LSAMP: variants seen among roughly 807,000 people sequenced by gnomAD.
LSAMP encodes limbic system-associated membrane protein.
LSAMP carries 7 observed loss-of-function variants against 38.6 expected under a neutral mutation model. That is an observed-to-expected ratio of 0.18 (90% CI 0.10 to 0.34). The LOEUF (loss-of-function observed/expected upper bound fraction) is 0.34, where lower values mean the gene tolerates loss of function less well. LSAMP is among the 10% of genes least tolerant of loss of function. The pLI, the probability that LSAMP is intolerant of heterozygous loss-of-function variation, is 1.00. For missense variants in LSAMP, 313 were observed against 420.0 expected (o/e 0.75, Z 2.23); for synonymous variants, 154 against 166.8 (o/e 0.92, Z 0.59).
intron 1 of LSAMP, among the ~76,000 whole-genome samples, chr3:116,192,636 T>C (rs1430986789): frequency 6.6e-6 from 1 of 152,152 alleles, no homozygotes; most frequent in Non-Finnish European, 1.5e-5. Context: ...CCTGGAAAGA[T>C]GGAAAATTAA....
intron 1 of LSAMP, among the ~76,000 whole-genome samples, chr3:116,129,246 T>C (rs1157693249): frequency 6.6e-6 from 1 of 152,138 alleles, no homozygotes; most frequent in Non-Finnish European, 1.5e-5. Flanking sequence ...TACTGAACTT[T>C]CTATTGCGTA....
chr3:116,190,114 C>G (rs944595530), intron 1 of LSAMP, among the ~76,000 whole-genome samples: 2 of 151,274 alleles, frequency 1.3e-5, no homozygotes, highest in East Asian at 1.9e-4. Flanking sequence ...CACACACACA[C>G]ACACACACAC....
intron 1 of LSAMP, among the ~76,000 whole-genome samples, chr3:116,150,336 T>A (rs1165483073): frequency 6.6e-6 from 1 of 152,044 alleles, no homozygotes. Flanking sequence ...TATTCTCCCC[T>A]CTCATGGATC....
intron 6 of LSAMP, among the ~76,000 whole-genome samples, chr3:115,823,309 C>T (rs543995565): frequency 6.6e-6 from 1 of 152,142 alleles, no homozygotes; most frequent in Non-Finnish European, 1.5e-5. Flanking sequence ...TGGAGAGCAC[C>T]CTGGCCCAGG....
At chr3:116,152,912 G>A (rs1709644901) in intron 1 of LSAMP, among the ~76,000 whole-genome samples, 1 of 151,990 alleles carries the variant, frequency 6.6e-6, no homozygotes, top group South Asian at 2.1e-4. Context: ...ACTGTGAAGA[G>A]CATAAACAAT....
chr3:116,436,260 T>C (rs1022190917), intron 1 of LSAMP, among the ~76,000 whole-genome samples: 2 of 152,160 alleles, frequency 1.3e-5, no homozygotes, highest in Non-Finnish European at 2.9e-5. Context: ...AAGGTGACAT[T>C]GGAAAAACCT....
chr3:116,191,535 C>T (rs1323494167), intron 1 of LSAMP, among the ~76,000 whole-genome samples: 1 of 152,046 alleles, frequency 6.6e-6, no homozygotes, highest in Admixed American at 6.6e-5. Context: ...GGGCATGAGA[C>T]AGTTTAGGGC....
At chr3:115,909,199 A>G (rs1203740940) in intron 3 of LSAMP, among the ~76,000 whole-genome samples, 1 of 152,140 alleles carries the variant, frequency 6.6e-6, no homozygotes, top group African/African-American at 2.4e-5. Context: ...GGCATCCCAA[A>G]GACACAGATT....
Position 116,343,282 on chromosome 3 carries a change from A to C in LSAMP, c.155+101595T>G, listed in dbSNP as rs190763208. ...AAACACAGTGAAACATGGGTCACTA[A>C]AGAGCCCCTAAGTTACAGAAAGGAC... On this transcript the variant is annotated intron_variant, in intron 1 of 6. Coordinates refer to ENST00000490035, the MANE Select transcript of LSAMP (RefSeq NM_002338.5). Among the ~76,000 whole-genome samples, 34 of 152,176 alleles carry C rather than the reference A, an allele frequency of 2.2e-4. 1 individual carries two copies. The highest frequency in any genetic ancestry group is 2.0e-3 in the Admixed American group (30 of 15,258).
At chr3:116,036,889 T>C (rs1559929216) in intron 2 of LSAMP, among the ~76,000 whole-genome samples, 2 of 152,158 alleles carry the variant, frequency 1.3e-5, no homozygotes, top group Admixed American at 1.3e-4. Context: ...CATTTGCATA[T>C]GCTAGCTAGT....
intron 1 of LSAMP, among the ~76,000 whole-genome samples, chr3:116,106,429 AG>A (rs1228505910): frequency 3.9e-5 from 6 of 152,196 alleles, no homozygotes; most frequent in African/African-American, 1.4e-4. Flanking sequence ...CCTAATAAAA[AG>A]GAGTGTCTAT....
At chr3:115,826,888 T>C (rs1212808658) in intron 6 of LSAMP, among the ~76,000 whole-genome samples, 1 of 150,816 alleles carries the variant, frequency 6.6e-6, no homozygotes, top group Admixed American at 6.6e-5. Context: ...TCATACTATT[T>C]ACGAGTTAGA....
intron 3 of LSAMP, among the ~76,000 whole-genome samples, chr3:115,876,296 A>G (rs1243615215): frequency 8.4e-6 from 1 of 119,750 alleles, no homozygotes; most frequent in South Asian, 2.6e-4. Context: ...TTTTTTTTTT[A>G]AGGCTACAAA....
intron 1 of LSAMP, among the ~76,000 whole-genome samples, chr3:116,308,956 C>T (rs1576497984): frequency 6.6e-6 from 1 of 151,994 alleles, no homozygotes; most frequent in East Asian, 1.9e-4. Flanking sequence ...TTTACAGTAG[C>T]CTATAATTCT....
At chr3:116,310,877 GTGA>G (rs374497191) in intron 1 of LSAMP, among the ~76,000 whole-genome samples, 2 of 150,228 alleles carry the variant, frequency 1.3e-5, no homozygotes, top group African/African-American at 2.4e-5. Flanking sequence ...ACTTAAAATG[GTGA>G]TGATGATGGT....
intron 6 of LSAMP, chr3:115,814,127 G>A (rs1157951694): frequency 1.3e-5 from 2 of 152,196 alleles, no homozygotes; most frequent in Non-Finnish European, 2.9e-5. Context: ...AAATGCAGAA[G>A]TTTGGATTAC....
At chr3:116,234,425 T>TTTCA (rs1246997242) in intron 1 of LSAMP, among the ~76,000 whole-genome samples, 1 of 152,236 alleles carries the variant, frequency 6.6e-6, no homozygotes, top group East Asian at 1.9e-4. Context: ...AGCTTAGAGA[T>TTTCA]TTCATTCATT....
chr3:116,105,733 C>T (rs1708450808), intron 1 of LSAMP, among the ~76,000 whole-genome samples: 1 of 152,140 alleles, frequency 6.6e-6, no homozygotes, highest in Non-Finnish European at 1.5e-5. Context: ...GCCATCTGGG[C>T]ATATACGTGC....
At chr3:116,222,542 A>G (rs1319106481) in intron 1 of LSAMP, among the ~76,000 whole-genome samples, 1 of 152,008 alleles carries the variant, frequency 6.6e-6, no homozygotes, top group Non-Finnish European at 1.5e-5. Context: ...AGTCCGTAAA[A>G]TAAGAGCTAT....
Sources: allele counts gnomAD v4.1 joint callset (sites outside exome capture counted in the v4.1 genomes callset), GRCh38; gene constraint gnomAD v4.1.1; transcripts MANE v1.5; gene names NCBI Gene and HGNC (gene_info 2026-07-23, HGNC 2026-07-21).